Variants in SNX25 observed in about 807,000 individuals in gnomAD.
The protein encoded by SNX25 is sorting nexin 25, also known as sorting nexin-25.
A neutral mutation model predicts 113.7 loss-of-function variants in SNX25; 62 were observed. The observed-to-expected ratio is 0.55, with a 90% CI of 0.44 to 0.67. The LOEUF is 0.67. Among genes scored for constraint, SNX25 ranks in the 30% least tolerant of loss-of-function variants. The pLI is 0.00. For synonymous variants in SNX25, 421 were observed against 436.2 expected (o/e 0.97, Z 0.43); for missense variants, 1,014 against 1,161.0 (o/e 0.87, Z 1.84).
intron 7 of SNX25, 31 bp downstream of exon 7, chr4:185,310,847 T>G: frequency 6.4e-7 from 1 of 1,552,754 alleles, no homozygotes; most frequent in Non-Finnish European, 8.7e-7. Flanking sequence ...GTTTTGACCC[T>G]ACCAAGTTTA....
chr4:185,349,450 T>TA (rs1369186079), intron 13 of SNX25, among the ~76,000 whole-genome samples: 1 of 152,244 alleles, frequency 6.6e-6, no homozygotes, highest in Non-Finnish European at 1.5e-5. Flanking sequence ...TGCTGGATCT[T>TA]ATGGTAGCTC....
intron 2 of SNX25, among the ~76,000 whole-genome samples, chr4:185,251,958 G>T (rs867870013): frequency 6.6e-5 from 10 of 151,046 alleles, no homozygotes; most frequent in African/African-American, 2.4e-4. Context: ...ATTATACTTT[G>T]CTTTTTTTTT....
At chr4:185,208,309 C>G (rs1304733008), upstream of SNX25, among the ~76,000 whole-genome samples, 1 of 151,988 alleles carries the variant, frequency 6.6e-6, no homozygotes, top group East Asian at 1.9e-4. Flanking sequence ...AGCCACCGTG[C>G]CCGCCCCTAT....
chr4:185,372,828 G>T, downstream of SNX25: 2 of 1,507,134 alleles, frequency 1.3e-6, no homozygotes, highest in Non-Finnish European at 1.8e-6. Flanking sequence ...TTCTGTTACA[G>T]CAGCACAGAA....
intron 1 of SNX25, 120 bp from the exon 2 acceptor site, chr4:185,247,174 G>A (rs1455860725): frequency 6.2e-6 from 4 of 645,164 alleles, no homozygotes; most frequent in Non-Finnish European, 1.0e-5. Context: ...AAAAACTTCT[G>A]TTATTCGTTA....
At chr4:185,238,088 T>C (rs1030727128) in intron 1 of SNX25, among the ~76,000 whole-genome samples, 1 of 148,638 alleles carries the variant, frequency 6.7e-6, no homozygotes, top group Non-Finnish European at 1.5e-5. Context: ...AAAAAAAATT[T>C]AGAGCACCTC....
At chr4:185,344,802 A>G (rs1051257912) in intron 12 of SNX25, among the ~76,000 whole-genome samples, 1 of 152,182 alleles carries the variant, frequency 6.6e-6, no homozygotes, top group East Asian at 1.9e-4. Context: ...TTTCATCACT[A>G]CATACTATAA....
chr4:185,324,444 ATT>A (rs1335602921), intron 9 of SNX25, among the ~76,000 whole-genome samples: 8 of 152,158 alleles, frequency 5.3e-5, no homozygotes, highest in African/African-American at 1.9e-4. Context: ...ACTAAAGAGT[ATT>A]TATTGGTTTT....
intron 6 of SNX25, among the ~76,000 whole-genome samples, chr4:185,304,112 CCCTT>C (rs1438846493): frequency 6.6e-6 from 1 of 152,120 alleles, no homozygotes; most frequent in Admixed American, 6.5e-5. Context: ...GTTTCTTGAA[CCCTT>C]CCATCAAGAG....
chr4:185,302,525 T>C (rs958226839), intron 6 of SNX25, among the ~76,000 whole-genome samples: 3 of 152,156 alleles, frequency 2.0e-5, no homozygotes, highest in African/African-American at 7.2e-5. Flanking sequence ...CACAGAAGTC[T>C]TTGGTATTGA....
At chr4:185,375,455 C>CAAAAAAAAAAAAA in the SNX25 span, among the ~76,000 whole-genome samples, 1 of 14,774 alleles carries the variant, frequency 6.8e-5, no homozygotes, top group Non-Finnish European at 1.2e-4. Context: ...GACTCCGTCT[C>CAAAAAAAAAAAAA]AAAAAAAAAA....
intron 11 of SNX25, 129 bp downstream of exon 11, chr4:185,339,639 C>A: frequency 8.5e-7 from 1 of 1,178,086 alleles, no homozygotes; most frequent in Non-Finnish European, 1.2e-6. Context: ...ATTTGTCCTA[C>A]CTTCCTTCCC....
chr4:185,360,930 A>AATAT lies in SNX25; in HGVS notation c.2652-974_2652-971dup, dbSNP rs3047488. Among the ~76,000 whole-genome samples the AATAT allele has an allele frequency of 3.0e-3, 414 of 139,620 alleles. 2 individuals carry two copies. The highest frequency in any genetic ancestry group is 8.6e-3 in the South Asian group (36 of 4,168). The allele number at this position is 139,620 out of a possible 152,430, so 91.6% of individuals were successfully genotyped here. On this transcript the variant is annotated intron_variant, in intron 16 of 18. Transcript: ENST00000652585. ...CGAGACTCCGTCTCAAAAAAAAAAT[A>AATAT]ATATATATATATATATATATATAGA... is the stretch of plus-strand genomic sequence containing the variant.
At chr4:185,215,439 G>A (rs1256450195) in intron 1 of SNX25, among the ~76,000 whole-genome samples, 1 of 152,186 alleles carries the variant, frequency 6.6e-6, no homozygotes, top group Non-Finnish European at 1.5e-5. Context: ...AGTTCGCTTG[G>A]ATCAGATGGC....
chr4:185,221,449 CA>C (rs1739834747), intron 1 of SNX25, among the ~76,000 whole-genome samples: 1 of 152,124 alleles, frequency 6.6e-6, no homozygotes, highest in Non-Finnish European at 1.5e-5. Context: ...TGTTGGATTA[CA>C]GGGGTGCCTG....
intron 5 of SNX25, among the ~76,000 whole-genome samples, chr4:185,276,930 G>A (rs1338121365): frequency 6.6e-6 from 1 of 152,218 alleles, no homozygotes; most frequent in East Asian, 1.9e-4. Flanking sequence ...TTGCCCTAAG[G>A]AGGAGTAGGC....
chr4:185,376,440 C>G, the SNX25 span, among the ~76,000 whole-genome samples: 6 of 132,108 alleles, frequency 4.5e-5, 1 homozygote, highest in Non-Finnish European at 1.6e-5. Context: ...CCATGCCCAG[C>G]TACTTTTTTT....
chr4:185,365,078 TAC>T (rs1396930879), downstream of SNX25: 1 of 152,002 alleles, frequency 6.6e-6, no homozygotes, highest in Non-Finnish European at 1.5e-5. Flanking sequence ...GCACTCGAGT[TAC>T]AGACTCACCG....
intron 7 of SNX25, among the ~76,000 whole-genome samples, chr4:185,316,354 T>TAGAGTAACA (rs1319735003): frequency 6.6e-6 from 1 of 152,154 alleles, no homozygotes; most frequent in East Asian, 1.9e-4. Context: ...CGCAGAGAGA[T>TAGAGTAACA]AGAGTAACAT....
Sources: gnomAD v4.1 joint callset for allele counts (sites outside exome capture counted in the v4.1 genomes callset) on GRCh38, gnomAD v4.1.1 for gene constraint, MANE v1.5 for transcripts, NCBI Gene and HGNC (gene_info 2026-07-23, HGNC 2026-07-21) for gene names.